The following PTPRZ1 variants were observed in gnomAD, a reference collection of about 807,000 sequenced individuals.
PTPRZ1 encodes the protein protein tyrosine phosphatase receptor type Z1.
In PTPRZ1, 82 loss-of-function variants were observed where a neutral mutation model predicts 214.1. The observed-to-expected ratio is 0.38, with a 90% CI of 0.32 to 0.46. The LOEUF is 0.46. PTPRZ1 is among the 20% of genes least tolerant of loss of function. The probability of loss-of-function intolerance (pLI) is 1.00; values close to 1 mark genes in which losing one functional copy is unlikely to be tolerated. For synonymous variants in PTPRZ1, 945 were observed against 987.9 expected, an observed-to-expected ratio of 0.96 and a Z score of 0.81; for missense variants, 2,603 against 2,748.7, an observed-to-expected ratio of 0.95 and a Z score of 1.19.
At chr7:121,923,657 GA>G (rs1306569607) in intron 1 of PTPRZ1, among the ~76,000 whole-genome samples, 7 of 151,260 alleles carry the variant, frequency 4.6e-5, no homozygotes, top group African/African-American at 9.7e-5. Flanking sequence ...TATTTATAAT[GA>G]TTTTTTTTAG....
intron 1 of PTPRZ1, among the ~76,000 whole-genome samples, chr7:121,904,609 T>C (rs1584622265): frequency 6.6e-6 from 1 of 152,222 alleles, no homozygotes; most frequent in South Asian, 2.1e-4. Context: ...AAGCAGGAAA[T>C]GTACTTTAAT....
intron 2 of PTPRZ1, among the ~76,000 whole-genome samples, chr7:121,945,292 A>C (rs536138385): frequency 6.6e-6 from 1 of 152,326 alleles, no homozygotes; most frequent in African/African-American, 2.4e-5. Context: ...ATTAAACTAT[A>C]CTGTGTAAGA....
intron 1 of PTPRZ1, among the ~76,000 whole-genome samples, chr7:121,881,235 C>G (rs187839452): frequency 3.3e-4 from 50 of 152,268 alleles, no homozygotes; most frequent in African/African-American, 1.1e-3. Context: ...GAAAGAGAGC[C>G]CTCGCCAGGA....
chr7:121,939,917 G>A (rs1342324814), intron 2 of PTPRZ1, among the ~76,000 whole-genome samples: 4 of 152,118 alleles, frequency 2.6e-5, no homozygotes, highest in Non-Finnish European at 4.4e-5. Flanking sequence ...CAGAGAAAGC[G>A]ACTTTAGATT....
rs140451734 is a variant in PTPRZ1, at chr7:121,946,109, G to A, written c.124+17888G>A. Reference sequence around the variant, plus strand: ...CTGAGAAGTACTCATGCTCTGATCTGAGTGGGAAATAGTTGTTCAGTGCTC... The same window carrying A: ...CTGAGAAGTACTCATGCTCTGATCTAAGTGGGAAATAGTTGTTCAGTGCTC... On this transcript the variant is annotated intron_variant, in intron 2 of 29. Coordinates refer to ENST00000393386, the MANE Select transcript of PTPRZ1 (RefSeq NM_002851.3). Among the ~76,000 whole-genome samples the A allele has an allele frequency of 1.1e-3, 162 of 152,284 alleles. 4 individuals are homozygous for A. The East Asian group carries it at 0.024, about 23-fold the overall frequency.
intron 2 of PTPRZ1, among the ~76,000 whole-genome samples, chr7:121,965,248 G>T (rs754647232): frequency 3.9e-5 from 6 of 152,154 alleles, no homozygotes; most frequent in African/African-American, 9.7e-5. Context: ...TGAAATTAAG[G>T]TGTCTCATTT....
intron 13 of PTPRZ1, among the ~76,000 whole-genome samples, chr7:122,020,197 T>A (rs574560419): frequency 6.6e-6 from 1 of 152,346 alleles, no homozygotes; most frequent in East Asian, 1.9e-4. Context: ...ACCATTGTTA[T>A]TGATTGTTTC....
intron 18 of PTPRZ1, among the ~76,000 whole-genome samples, chr7:122,037,364 C>G (rs928032577): frequency 1.4e-4 from 22 of 151,958 alleles, no homozygotes; most frequent in Admixed American, 9.2e-4. Flanking sequence ...AGCTGATGAA[C>G]AAAAAATTTC....
chr7:122,012,158 A>G lies in PTPRZ1; in HGVS notation c.3112A>G (p.Asn1038Asp). Residue 1038 changes from asparagine to aspartate, a missense_variant, in exon 12 of 30, where the codon AAT becomes GAT. Physicochemically the swap from Asn to Asp is conservative, Grantham distance 23 (BLOSUM62 1). Around this residue, in one of 6 missense-constraint regions of PTPRZ1, gnomAD observed 1,913 missense variants for 1,914.3 expected, o/e 1.00. Coordinates refer to ENST00000393386, the MANE Select transcript of PTPRZ1 (RefSeq NM_002851.3). ...TYTTSVFGDD[N>D]KALSKSEIIY... ...TACAACATCTGTGTTTGGTGATGAT[A>G]ATAAGGCGCTTTCTAAAAGTGAAAT... 3 of 1,613,952 alleles carry G rather than the reference A, an allele frequency of 1.9e-6. No homozygotes were observed. The highest frequency in any genetic ancestry group is 2.2e-5 in the East Asian group (1 of 44,876).
intron 25 of PTPRZ1, among the ~76,000 whole-genome samples, chr7:122,053,141 G>A (rs1409120292): frequency 3.3e-5 from 5 of 152,250 alleles, no homozygotes; most frequent in Middle Eastern, 3.4e-3. Flanking sequence ...AGCTTAGGCA[G>A]AGCAAGCAGG....
At position 122,042,448 on chromosome 7, in the gene PTPRZ1, T is replaced by C. The variant is rs191162058; in HGVS notation, c.5802-160T>C. 5.5e-4 allele frequency among the ~76,000 whole-genome samples: 84 copies of C among 152,382 alleles called. 1 individual carries two copies. The highest frequency in any genetic ancestry group is 2.0e-3 in the African/African-American group (82 of 41,602). On this transcript the variant is annotated intron_variant, in intron 21 of 29. Coordinates refer to ENST00000393386, the MANE Select transcript of PTPRZ1 (RefSeq NM_002851.3). The stretch of plus-strand genomic sequence containing the variant: ...TGTTGTGTAAAGCATTACGCTTAAT[T>C]ACTAAACTGTTTACAATATTGAATT...
chr7:121,945,655 G>A (rs376907521), intron 2 of PTPRZ1, among the ~76,000 whole-genome samples: 2 of 152,106 alleles, frequency 1.3e-5, no homozygotes, highest in East Asian at 3.9e-4. Context: ...GCTCATCCCA[G>A]TTCTCACAGA....
At chr7:121,997,560 T>C (rs1339041577) in intron 9 of PTPRZ1, among the ~76,000 whole-genome samples, 4 of 152,070 alleles carry the variant, frequency 2.6e-5, no homozygotes, top group African/African-American at 7.2e-5. Context: ...ATGCCCCCCA[T>C]TTATTTGTCT....
rs536039093 is a variant in PTPRZ1, at chr7:122,054,182, T to C, written c.6381+144T>C. On this transcript the variant is annotated intron_variant, in intron 26 of 29. Transcript: ENST00000393386. ...TCATTGAAGGCATACTCTTCTGCTG[T>C]TGGGCTTGGTTTCATTATACAATCT... 24 of 868,096 alleles carry C rather than the reference T, an allele frequency of 2.8e-5. No individual in the cohort carries two copies. In the South Asian group the frequency reaches 3.7e-4, roughly 14 times the overall value. 53.8% of individuals were successfully genotyped at this position (868,096 alleles called of 1,614,324 possible). A position where few individuals can be genotyped will look rare whatever the true frequency, so the allele number is the denominator to read the frequency against.
chr7:121,918,215 A>T (rs1223860775), intron 1 of PTPRZ1, among the ~76,000 whole-genome samples: 2 of 152,216 alleles, frequency 1.3e-5, no homozygotes, highest in African/African-American at 2.4e-5. Flanking sequence ...TTGTTAACAC[A>T]TAAAGCTGCC....
At chr7:122,031,408 A>G in intron 14 of PTPRZ1, 66 bp from the exon 15 acceptor site, 5 of 1,125,822 alleles carry the variant, frequency 4.4e-6, no homozygotes, top group Non-Finnish European at 2.7e-6. Context: ...AAGCTACTTT[A>G]TAAGTGATAG....
intron 2 of PTPRZ1, among the ~76,000 whole-genome samples, chr7:121,928,473 A>G (rs1224414842): frequency 6.6e-6 from 1 of 152,178 alleles, no homozygotes; most frequent in African/African-American, 2.4e-5. Flanking sequence ...CTGTCTATAT[A>G]CCTTCAAGAA....
At chr7:121,911,171 A>G (rs1178480414) in intron 1 of PTPRZ1, among the ~76,000 whole-genome samples, 2 of 152,156 alleles carry the variant, frequency 1.3e-5, no homozygotes, top group African/African-American at 4.8e-5. Context: ...TACTTATTTA[A>G]TAGTGCTTTC....
In PTPRZ1 at chr7:122,011,280, A is replaced by G. The variant is rs1348050489; in HGVS notation, c.2234A>G (p.Tyr745Cys). The G allele has an allele frequency of 1.2e-6, 2 of 1,613,794 alleles. No homozygotes were observed. The highest frequency in any genetic ancestry group is 8.5e-7 in the Non-Finnish European group (1 of 1,179,936). The stretch of plus-strand genomic sequence containing the variant: ...TTGGTCTCCACGGTCAACGTGGTAT[A>G]CTCGCAGACAACCCAACCGGTATAC... ...QDLVSTVNVVYSQTTQPVYNG... is the reference protein window; with the variant it reads ...QDLVSTVNVVCSQTTQPVYNG... The change falls in exon 12 of 30, where the codon TAC (tyrosine) becomes TGC (cysteine). Residue 745 changes from tyrosine (Y) to cysteine (C), a missense_variant. By Grantham distance (194) the Tyr-to-Cys change is radical. This residue lies in a region of PTPRZ1 where 1,913 missense variants were observed against 1,914.3 expected (regional missense o/e 1.00). Transcript: ENST00000393386.
Sources: allele counts gnomAD v4.1 joint callset (sites outside exome capture counted in the v4.1 genomes callset), GRCh38; gene constraint gnomAD v4.1.1; regional missense constraint gnomAD v4.1.1; transcripts MANE v1.5; gene names NCBI Gene and HGNC (gene_info 2026-07-23, HGNC 2026-07-21).